PCMT1: variants seen among roughly 807,000 people sequenced by gnomAD.
PCMT1 encodes the protein protein-L-isoaspartate(D-aspartate) O-methyltransferase.
A neutral mutation model predicts 29.2 loss-of-function variants in PCMT1; 9 were observed. The observed-to-expected ratio is 0.31, with a 90% confidence interval of 0.19 to 0.54. The LOEUF (loss-of-function observed/expected upper bound fraction) is 0.54, where lower values mean the gene tolerates loss of function less well. PCMT1 is among the 20% of genes least tolerant of loss of function. PCMT1 has a pLI of 0.95. For synonymous variants in PCMT1, 98 were observed against 97.5 expected (o/e 1.00, Z -0.03); for missense variants, 184 against 282.2 (o/e 0.65, Z 2.49).
At chr6:149,794,665 CAG>C in intron 5 of PCMT1, 1 of 248,380 alleles carries the variant, frequency 4.0e-6, no homozygotes, top group Non-Finnish European at 6.9e-6. Flanking sequence ...CTAGTAGCCA[CAG>C]CCATCCCCTA....
At chr6:149,808,003 G>T (rs1776060089) in intron 7 of PCMT1, among the ~76,000 whole-genome samples, 1 of 152,088 alleles carries the variant, frequency 6.6e-6, no homozygotes, top group South Asian at 2.1e-4. Context: ...CTCTCATAGT[G>T]CTTCGTACAA....
chr6:149,749,758 G>GGCGACGGCAGTAACAGCGGCA lies in PCMT1; in HGVS notation c.-141_-121dup. On this transcript the variant is annotated 5_prime_UTR_variant, in exon 1 of 8. Coordinates refer to ENST00000464889, the MANE Select transcript of PCMT1 (RefSeq NM_001360452.2). ...GGGAGCGCGCAGTGGCGGCAGCGGCGGCGACGGCAGTAACAGCGGCAGCTA... is the reference window on the plus strand; with the variant it reads ...GGGAGCGCGCAGTGGCGGCAGCGGCGGCGACGGCAGTAACAGCGGCAGCGACGGCAGTAACAGCGGCAGCTA... 5.8e-6 allele frequency: 9 copies of GGCGACGGCAGTAACAGCGGCA among 1,546,906 alleles called. No individual in the cohort carries two copies. The highest frequency in any genetic ancestry group is 7.9e-6 in the Non-Finnish European group (9 of 1,144,972).
At chr6:149,755,963 A>C (rs566680133) in intron 1 of PCMT1, among the ~76,000 whole-genome samples, 2 of 152,320 alleles carry the variant, frequency 1.3e-5, no homozygotes, top group South Asian at 4.1e-4. Flanking sequence ...TGGGATAAGC[A>C]TTCCAGGCAG....
At chr6:149,775,232 A>G (rs1787512579) in intron 3 of PCMT1, among the ~76,000 whole-genome samples, 1 of 152,200 alleles carries the variant, frequency 6.6e-6, no homozygotes, top group Non-Finnish European at 1.5e-5. Flanking sequence ...TTCTATATGT[A>G]TTTATAGCAA....
At chr6:149,781,823 T>C (rs1301000577) in intron 3 of PCMT1, among the ~76,000 whole-genome samples, 2 of 152,372 alleles carry the variant, frequency 1.3e-5, no homozygotes, top group African/African-American at 2.4e-5. Flanking sequence ...TACATTGTTA[T>C]GCAATCAGTC....
chr6:149,791,952 C>T (rs1213835829), intron 4 of PCMT1, among the ~76,000 whole-genome samples: 2 of 152,182 alleles, frequency 1.3e-5, no homozygotes, highest in Non-Finnish European at 2.9e-5. Flanking sequence ...GTTCTAAGTG[C>T]TACCCCATTT....
chr6:149,777,465 T>TAAATG (rs3039620), intron 3 of PCMT1, among the ~76,000 whole-genome samples: 80,726 of 151,570 alleles, frequency 0.53, 24,675 homozygotes, highest in East Asian at 0.83. Flanking sequence ...GTGAAACTGT[T>TAAATG]AAAAGAACTC....
chr6:149,793,035 G>C (rs559750224), intron 4 of PCMT1, among the ~76,000 whole-genome samples: 2 of 151,714 alleles, frequency 1.3e-5, no homozygotes, highest in Non-Finnish European at 2.9e-5. Context: ...TGGTGGCGGG[G>C]GCCTGTAGTC....
chr6:149,779,350 C>T (rs774695303), intron 3 of PCMT1, among the ~76,000 whole-genome samples: 2 of 152,146 alleles, frequency 1.3e-5, no homozygotes, highest in Admixed American at 6.5e-5. Context: ...CTGCCACAAA[C>T]TGCTTAAAAG....
intron 3 of PCMT1, among the ~76,000 whole-genome samples, chr6:149,786,106 G>T (rs1258217287): frequency 7.0e-6 from 1 of 142,080 alleles, no homozygotes; most frequent in African/African-American, 2.7e-5. Flanking sequence ...CCCAGTAGGG[G>T]CGGCCGGGCA....
intron 7 of PCMT1, among the ~76,000 whole-genome samples, chr6:149,803,965 CAGGCACTCAGGAGGCTG>C: frequency 6.6e-6 from 1 of 150,688 alleles, no homozygotes; most frequent in Middle Eastern, 3.6e-3. Flanking sequence ...TCTGTAGTCC[CAGGCACTCAGGAGGCTG>C]AGGCAGGAGA....
chr6:149,760,155 C>G (rs549973069), intron 1 of PCMT1, among the ~76,000 whole-genome samples: 1 of 152,206 alleles, frequency 6.6e-6, no homozygotes, highest in South Asian at 2.1e-4. Flanking sequence ...GCTGCTTAGG[C>G]TTCTTAATGC....
In PCMT1 at chr6:149,766,653, T is replaced by A. The variant is rs1309268373; in HGVS notation, c.56-4509T>A. On this transcript the variant is annotated intron_variant, in intron 1 of 7. Coordinates refer to ENST00000464889, the MANE Select transcript of PCMT1 (RefSeq NM_001360452.2). ...CATCACAGTGGTAGTGCTTAGTAGT[T>A]GCAACAGAGATTACACGGCTTGCAA... Among the ~76,000 whole-genome samples the A allele has an allele frequency of 2.0e-5, 3 of 152,218 alleles. No homozygotes were observed. In the East Asian group the frequency reaches 5.8e-4, roughly 29 times the overall value.
At chr6:149,791,476 G>A (rs1039248027) in intron 4 of PCMT1, among the ~76,000 whole-genome samples, 8 of 152,276 alleles carry the variant, frequency 5.3e-5, no homozygotes, top group East Asian at 3.9e-4. Flanking sequence ...GAGAAATATC[G>A]TGCCTGGAGG....
At chr6:149,809,538 A>C (rs538775254) in intron 7 of PCMT1, among the ~76,000 whole-genome samples, 1 of 152,222 alleles carries the variant, frequency 6.6e-6, no homozygotes, top group South Asian at 2.1e-4. Context: ...TGGAGAAATG[A>C]TTTTAAAAAT....
intron 7 of PCMT1, among the ~76,000 whole-genome samples, chr6:149,804,733 C>A (rs1307641428): frequency 6.6e-6 from 1 of 152,008 alleles, no homozygotes; most frequent in Non-Finnish European, 1.5e-5. Context: ...AACTCCTGAC[C>A]TCAGGTGATC....
intron 1 of PCMT1, among the ~76,000 whole-genome samples, chr6:149,759,905 A>G (rs931444968): frequency 6.6e-6 from 1 of 152,196 alleles, no homozygotes; most frequent in African/African-American, 2.4e-5. Context: ...ATAATCACTG[A>G]TTCTTTCAGA....
chr6:149,777,828 CTTTCTTTTTCTCCT>C (rs1251201455), intron 3 of PCMT1, among the ~76,000 whole-genome samples: 8 of 127,776 alleles, frequency 6.3e-5, no homozygotes, highest in African/African-American at 2.3e-4. Context: ...TTCTTTTCTT[CTTTCTTTTTCTCCT>C]TCCTTCCTTC....
intron 6 of PCMT1, among the ~76,000 whole-genome samples, chr6:149,800,117 C>A (rs186267384): frequency 3.7e-4 from 56 of 152,216 alleles, no homozygotes; most frequent in African/African-American, 1.3e-3. Flanking sequence ...GATAGACTTG[C>A]AGACAACCAA....
Sources: allele counts gnomAD v4.1 joint callset (sites outside exome capture counted in the v4.1 genomes callset), GRCh38; gene constraint gnomAD v4.1.1; transcripts MANE v1.5; gene names NCBI Gene and HGNC (gene_info 2026-07-23, HGNC 2026-07-21).